The following RNF123 variants were observed in gnomAD, a reference collection of about 807,000 sequenced individuals.
RNF123 encodes E3 ubiquitin-protein ligase RNF123.
RNF123 carries 86 observed loss-of-function variants against 168.5 expected under a neutral mutation model. The observed-to-expected ratio is 0.51, with a 90% CI of 0.43 to 0.61. The LOEUF (loss-of-function observed/expected upper bound fraction) is 0.61, where lower values mean the gene tolerates loss of function less well. Among genes scored for constraint, RNF123 ranks in the 20% least tolerant of loss-of-function variants. RNF123 has a pLI of 0.00. For synonymous variants in RNF123, 666 were observed against 689.1 expected (o/e 0.97, Z 0.52); for missense variants, 1,419 against 1,729.7 (o/e 0.82, Z 3.19).
chr3:49,718,033 A>G (rs1274718808), intron 35 of RNF123: 2 of 1,613,682 alleles, frequency 1.2e-6, no homozygotes, highest in Admixed American at 3.3e-5. Context: ...AGGGTTGTAG[A>G]GATCGAATTC....
In RNF123 at chr3:49,699,571, C is replaced by G. The variant is rs370283169; in HGVS notation, c.868C>G (p.Leu290Val). ...CTTCCGGGCAGTGCTGAGTGTGGAGCTGGACCCTGTGGTGAGCTGGGGTCT... is the reference window on the plus strand; with the variant it reads ...CTTCCGGGCAGTGCTGAGTGTGGAGGTGGACCCTGTGGTGAGCTGGGGTCT... ...GCFRAVLSVE[L>V]DPVEGRLLDK... is the part of the protein sequence containing the mutation. The change falls in exon 11 of 39, where the codon CTG becomes GTG. Residue 290 changes from leucine (L) to valine (V), a missense_variant. Transcript: ENST00000327697. The surrounding 1 kb of genome is among the most constrained non-coding windows in gnomAD (Gnocchi z 4.8). The G allele has an allele frequency of 1.2e-5, 19 of 1,613,228 alleles. No individual in the cohort carries two copies. The East Asian group carries it at 3.1e-4, about 26-fold the overall frequency.
chr3:49,719,873 C>G (rs1170752218), intron 35 of RNF123: 4 of 198,428 alleles, frequency 2.0e-5, no homozygotes, highest in Admixed American at 1.6e-4. Context: ...CTCCGCCGCT[C>G]GTTTTTCCTC....
intron 35 of RNF123, chr3:49,719,505 A>T: frequency 6.6e-7 from 1 of 1,509,488 alleles, no homozygotes; most frequent in Non-Finnish European, 9.0e-7. Context: ...AGCTCTGTGC[A>T]GGTTGCAGTT....
At chr3:49,719,229 G>GCC in intron 35 of RNF123, 3 of 1,613,180 alleles carry the variant, frequency 1.9e-6, no homozygotes, top group Non-Finnish European at 2.5e-6. Flanking sequence ...GCGCCAACCA[G>GCC]CCGGGGCGCA....
chr3:49,709,591 C>T (rs573201855), intron 26 of RNF123, among the ~76,000 whole-genome samples: 2 of 152,268 alleles, frequency 1.3e-5, no homozygotes, highest in East Asian at 1.9e-4. Context: ...TGAGCCACCG[C>T]GCCTGGCCTA....
chr3:49,718,194 G>A (rs760290487), intron 35 of RNF123: 72 of 1,612,882 alleles, frequency 4.5e-5, no homozygotes, highest in Non-Finnish European at 5.6e-5. Flanking sequence ...CTTGGAGCGG[G>A]CTGGGTGTTT....
Position 49,705,595 on chromosome 3 carries a change from G to T in RNF123, c.2220G>T (p.Gln740His). The part of the protein sequence containing the change: ...LLGRPPEEPE[Q>H]PLTENSLLEV... ...GGCGGCCCCCCGAGGAGCCTGAGCA[G>T]CCCCTCACCGAGAACTCGCTGCTGG... The change falls in exon 24 of 39, where the codon CAG (glutamine) becomes CAT (histidine). Residue 740 changes from glutamine to histidine, a missense_variant. This residue lies in a region of RNF123 where 538 missense variants were observed against 708.8 expected (regional missense o/e 0.76). Coordinates refer to ENST00000327697, the MANE Select transcript of RNF123 (RefSeq NM_022064.5). The T allele has an allele frequency of 1.2e-6, 2 of 1,613,444 alleles. No individual in the cohort carries two copies. The highest frequency in any genetic ancestry group is 1.7e-6 in the Non-Finnish European group (2 of 1,179,734).
At chr3:49,717,344 A>G in intron 35 of RNF123, 1 of 157,864 alleles carries the variant, frequency 6.3e-6, no homozygotes, top group Non-Finnish European at 1.4e-5. Flanking sequence ...AGCTTTCAGG[A>G]GGTTGGGTGT....
In RNF123 at chr3:49,699,446, G is replaced by A. The variant is rs200802665; in HGVS notation, c.765-22G>A. On this transcript the variant is annotated intron_variant, in intron 10 of 38. Coordinates refer to ENST00000327697, the MANE Select transcript of RNF123 (RefSeq NM_022064.5). The surrounding 1 kb of genome is among the most constrained non-coding windows in gnomAD (Gnocchi z 4.8). ...GGCATGTCTGAGCCACAGATAAGGC[G>A]TTGCTGGCTTAACTCTGGCACCTAC... is the stretch of plus-strand genomic sequence containing the variant. 212 of 1,562,480 alleles carry A rather than the reference G, an allele frequency of 1.4e-4. No individual in the cohort carries two copies. Among genetic ancestry groups the A allele is most frequent in the African/African-American group, 3.5e-4 (26 of 73,932 alleles).
At chr3:49,711,615 G>C (rs540252833) in intron 26 of RNF123, among the ~76,000 whole-genome samples, 6 of 152,168 alleles carry the variant, frequency 3.9e-5, no homozygotes, top group Admixed American at 3.9e-4. Context: ...GGGCTTTAGG[G>C]CACATCAGAG....
chr3:49,720,425 CATGGCACTCCTCA>C (rs2080376010), intron 35 of RNF123, 73 bp from the exon 36 acceptor site: 1 of 1,378,532 alleles, frequency 7.3e-7, no homozygotes, highest in Non-Finnish European at 9.7e-7. Flanking sequence ...ATGTACGAGC[CATGGCACTCCTCA>C]TTGGCAATCC....
In RNF123 at chr3:49,721,010, C is replaced by T. The variant is rs2080393492; in HGVS notation, c.3739-10C>T. 2.5e-6 allele frequency: 4 copies of T among 1,610,312 alleles called. No individual in the cohort carries two copies. Among genetic ancestry groups the T allele is most frequent in the Non-Finnish European group, 2.5e-6 (3 of 1,177,316 alleles). On this transcript the variant is annotated splice_polypyrimidine_tract_variant and intron_variant, in intron 37 of 38. Transcript: ENST00000327697. ...CAACTCCAGCCCACCCTTCACTCTC[C>T]TCCCTGCAGCCCACCAGTGAGGAGG...
At chr3:49,698,290 G>A in intron 7 of RNF123, 150 bp from the exon 8 acceptor site, 1 of 920,748 alleles carries the variant, frequency 1.1e-6, no homozygotes, top group Non-Finnish European at 1.7e-6. Context: ...CCAATCCCAG[G>A]CACCCCAGCT....
At position 49,696,149 on chromosome 3, in the gene RNF123, C is replaced by G. The variant is rs1178034588; in HGVS notation, c.168-994C>G. Among the ~76,000 whole-genome samples the G allele has an allele frequency of 9.8e-5, 15 of 152,310 alleles. No individual in the cohort carries two copies. In the East Asian group the frequency reaches 1.7e-3, roughly 18 times the overall value. On this transcript the variant is annotated intron_variant, in intron 3 of 38. Coordinates refer to ENST00000327697, the MANE Select transcript of RNF123 (RefSeq NM_022064.5). ...AGGGGCAAGGGTTGGACTAGGTGGC[C>G]TTGGTACTGACCACTTTGGGAACCA...
chr3:49,713,253 G>C (rs1391355935), intron 27 of RNF123: 2 of 593,556 alleles, frequency 3.4e-6, no homozygotes, highest in Non-Finnish European at 6.0e-6. Flanking sequence ...CTGCTCATCA[G>C]GTGTGTGTGC....
Position 49,699,879 on chromosome 3 carries a change from ATCAC to A in RNF123, c.984+108_984+111del. ...GGCTGCAGTGCTGAGGTCCCACAGC[ATCAC>A]CTGGCGAGGGCCCCATGTGACCAGG... is the stretch of plus-strand genomic sequence containing the variant. On this transcript the variant is annotated intron_variant, in intron 12 of 38. Transcript: ENST00000327697. The surrounding 1 kb of genome is among the most constrained non-coding windows in gnomAD (Gnocchi z 4.8). 4 of 1,207,944 alleles carry A rather than the reference ATCAC, an allele frequency of 3.3e-6. No homozygotes were observed. Among genetic ancestry groups the A allele is most frequent in the Non-Finnish European group, 4.7e-6 (4 of 842,950 alleles). 74.8% of individuals were successfully genotyped at this position (1,207,944 alleles called of 1,614,324 possible). A position where few individuals can be genotyped will look rare whatever the true frequency, so the allele number is the denominator to read the frequency against.
intron 35 of RNF123, chr3:49,719,672 C>T (rs1186088789): frequency 5.4e-6 from 3 of 557,100 alleles, no homozygotes; most frequent in African/African-American, 3.9e-5. Context: ...CCTTCGGCTT[C>T]GCTAGCCCTC....
intron 26 of RNF123, among the ~76,000 whole-genome samples, chr3:49,707,740 C>T (rs2054545632): frequency 1.3e-5 from 2 of 151,998 alleles, no homozygotes; most frequent in African/African-American, 4.8e-5. Flanking sequence ...AAACCACCTC[C>T]ACCTTTTTCC....
At chr3:49,719,157 G>T in intron 35 of RNF123, 3 of 1,613,532 alleles carry the variant, frequency 1.9e-6, no homozygotes, top group Non-Finnish European at 2.5e-6. Context: ...TGACGAAGAC[G>T]CCGCGACCCA....
Sources: gnomAD v4.1 joint callset for allele counts (sites outside exome capture counted in the v4.1 genomes callset) on GRCh38, gnomAD v4.1.1 for gene constraint, gnomAD v4.1.1 regional missense constraint, Gnocchi (gnomAD v3.1) non-coding constraint, MANE v1.5 for transcripts, NCBI Gene and HGNC (gene_info 2026-07-23, HGNC 2026-07-21) for gene names.